The following LMF1 variants were observed in gnomAD, a reference collection of about 807,000 sequenced individuals.
LMF1 encodes lipase maturation factor 1, also known as transmembrane protein 112.
Under a neutral mutation model 60.6 loss-of-function variants are expected in LMF1, and 68 were observed. That is an observed-to-expected ratio of 1.12 (90% CI 0.92 to 1.37). LMF1 has a LOEUF of 1.37. Ranked by LOEUF, LMF1 falls within the 40% of genes most tolerant of loss-of-function variation. The pLI is 0.00. For synonymous variants in LMF1, 418 were observed against 324.7 expected (o/e 1.29, Z -3.09); for missense variants, 948 against 767.2 (o/e 1.24, Z -2.78).
At chr16:951,390 A>T (rs1310692812) in intron 2 of LMF1, among the ~76,000 whole-genome samples, 1 of 152,238 alleles carries the variant, frequency 6.6e-6, no homozygotes, top group African/African-American at 2.4e-5. Flanking sequence ...TGTTCTGGAA[A>T]AGCTGAAGCG....
intron 4 of LMF1, among the ~76,000 whole-genome samples, chr16:898,428 TA>T (rs2070721845): frequency 6.6e-6 from 1 of 152,236 alleles, no homozygotes; most frequent in African/African-American, 2.4e-5. Flanking sequence ...TTCCGGGATC[TA>T]AGGCCTGTTC....
At chr16:978,705 ACGG>A (rs1477933796) in intron 1 of LMF1, among the ~76,000 whole-genome samples, 1 of 152,040 alleles carries the variant, frequency 6.6e-6, no homozygotes, top group Non-Finnish European at 1.5e-5. Context: ...CCATGCAGAC[ACGG>A]CGGAGCAGGC....
At chr16:923,492 T>A (rs550399419) in intron 3 of LMF1, among the ~76,000 whole-genome samples, 33 of 152,180 alleles carry the variant, frequency 2.2e-4, no homozygotes, top group Admixed American at 2.2e-3. Context: ...AAGCCAATAG[T>A]CCCGGCTACT....
At chr16:910,250 G>A (rs2071073337) in intron 4 of LMF1, among the ~76,000 whole-genome samples, 2 of 152,198 alleles carry the variant, frequency 1.3e-5, no homozygotes, top group South Asian at 4.1e-4. Context: ...GTGATTCACC[G>A]TTTGCAGGGC....
chr16:937,343 A>T (rs900991200), intron 2 of LMF1, among the ~76,000 whole-genome samples: 25 of 152,208 alleles, frequency 1.6e-4, no homozygotes, highest in South Asian at 4.1e-4. Flanking sequence ...CTTTAAAGAA[A>T]CTCAAGTCCT....
At chr16:894,647 G>T (rs2070611219) in intron 4 of LMF1, among the ~76,000 whole-genome samples, 1 of 152,254 alleles carries the variant, frequency 6.6e-6, no homozygotes, top group Admixed American at 6.5e-5. Flanking sequence ...AGGTTCGGAG[G>T]CGATGGCTGT....
intron 2 of LMF1, among the ~76,000 whole-genome samples, chr16:939,271 G>A (rs760232377): frequency 6.6e-6 from 1 of 152,144 alleles, no homozygotes; most frequent in Non-Finnish European, 1.5e-5. Flanking sequence ...CCGTGAGCAC[G>A]AACCCTGGGT....
rs1463936591 is a variant in LMF1 at position 879,310 on chromosome 16, G to A, written c.897+260C>T. ...CCACTGCCGAGCCCAGGACATGGCC[G>A]GGCCTCTCGCAGCTGCAGGAAACGC... On this transcript the variant is annotated intron_variant, in intron 6 of 10. Transcript: ENST00000262301. 3.9e-5 allele frequency among the ~76,000 whole-genome samples: 6 copies of A among 152,202 alleles called. No homozygotes were observed. In the East Asian group the frequency reaches 7.7e-4, roughly 20 times the overall value.
At chr16:876,079 G>A (rs1189727038) in intron 6 of LMF1, among the ~76,000 whole-genome samples, 3 of 152,242 alleles carry the variant, frequency 2.0e-5, no homozygotes, top group Admixed American at 2.0e-4. Flanking sequence ...AACCCTCCTT[G>A]TGCGCCCTGT....
In LMF1 at chr16:922,923, C is replaced by T. The variant is rs183461451; in HGVS notation, c.514+11321G>A. Among the ~76,000 whole-genome samples the T allele has an allele frequency of 3.8e-4, 39 of 103,578 alleles. 6 individuals are homozygous for T. The highest frequency in any genetic ancestry group is 2.0e-3 in the African/African-American group (35 of 17,936). The allele number at this position is 103,578 out of a possible 152,430, so 68.0% of individuals were successfully genotyped here. A position where few individuals can be genotyped will look rare whatever the true frequency, so the allele number is the denominator to read the frequency against. On this transcript the variant is annotated intron_variant, in intron 3 of 10. Transcript: ENST00000262301. ...CCTGTGTGAAAGTCGCCGGGGTTTT[C>T]GGGTGTGATGTGGTGTTGGTGTCGT...
intron 3 of LMF1, chr16:931,926 G>T (rs371520360): frequency 6.9e-6 from 5 of 721,826 alleles, no homozygotes; most frequent in East Asian, 1.3e-4. Context: ...CAGTTAGAAT[G>T]TATGACGCTC....
At chr16:894,435 C>T (rs62013781) in intron 4 of LMF1, among the ~76,000 whole-genome samples, 8,333 of 147,006 alleles carry the variant, frequency 0.057, 299 homozygotes, top group Admixed American at 0.083. Context: ...CCCCTGTCCA[C>T]CTGGCCGTCC....
rs1337401690 is a variant in LMF1, at chr16:854,053, T to G, written c.*479A>C. 1 of 455,288 alleles carries G rather than the reference T, an allele frequency of 2.2e-6. No individual in the cohort carries two copies. The highest frequency in any genetic ancestry group is 4.4e-6 in the Non-Finnish European group (1 of 227,650). The allele number at this position is 455,288 out of a possible 1,614,324, so 28.2% of individuals were successfully genotyped here. A position where few individuals can be genotyped will look rare whatever the true frequency, so the allele number is the denominator to read the frequency against. On this transcript the variant is annotated 3_prime_UTR_variant, in exon 11 of 11. Transcript: ENST00000262301. The stretch of plus-strand genomic sequence containing the variant: ...GGTCCCTGTGGGGCGAGGGTTTGGC[T>G]GCCCCAGACGTGACAGGGACTTGGC...
chr16:855,142 C>G, intron 10 of LMF1: 2 of 274,980 alleles, frequency 7.3e-6, no homozygotes, highest in South Asian at 8.0e-5. Context: ...TCAGGCCAGT[C>G]CTGGCGCAAG....
intron 2 of LMF1, among the ~76,000 whole-genome samples, chr16:953,998 GC>G (rs1176989863): frequency 6.3e-5 from 5 of 79,866 alleles, no homozygotes; most frequent in Non-Finnish European, 1.0e-4. Context: ...CCCCAAACCA[GC>G]CTCCTACACG....
rs570048752 is a variant in LMF1 at position 920,624 on chromosome 16, G to T, written c.515-9545C>A. On this transcript the variant is annotated intron_variant, in intron 3 of 10. Transcript: ENST00000262301. Reference sequence around the variant, plus strand: ...AGGAGCTCGTGGAAGGCAGGGAGAGGCCTGATGTCCATGTCCGTGGAGCCA... The same window carrying T: ...AGGAGCTCGTGGAAGGCAGGGAGAGTCCTGATGTCCATGTCCGTGGAGCCA... 2.0e-5 allele frequency among the ~76,000 whole-genome samples: 3 copies of T among 152,334 alleles called. No individual in the cohort carries two copies. In the South Asian group the frequency reaches 6.2e-4, roughly 32 times the overall value.
intron 5 of LMF1, among the ~76,000 whole-genome samples, chr16:882,867 G>T (rs970894121): frequency 2.1e-5 from 3 of 145,904 alleles, no homozygotes; most frequent in African/African-American, 8.1e-5. Context: ...GCCCATCGCA[G>T]GACCAGGAGA....
At chr16:951,198 C>T (rs2072456344) in intron 2 of LMF1, among the ~76,000 whole-genome samples, 1 of 150,812 alleles carries the variant, frequency 6.6e-6, no homozygotes. Flanking sequence ...CAGCCAACGA[C>T]AGAGTCAGCC....
At chr16:888,321 AT>A (rs889870439) in intron 5 of LMF1, among the ~76,000 whole-genome samples, 2 of 152,156 alleles carry the variant, frequency 1.3e-5, no homozygotes, top group African/African-American at 4.8e-5. Flanking sequence ...AGAGTGTTGG[AT>A]TTCCCGCAGC....
Sources: allele counts gnomAD v4.1 joint callset (sites outside exome capture counted in the v4.1 genomes callset), GRCh38; gene constraint gnomAD v4.1.1; transcripts MANE v1.5; gene names NCBI Gene and HGNC (gene_info 2026-07-23, HGNC 2026-07-21).